EFCC1: variants seen among roughly 807,000 people sequenced by gnomAD.
The protein encoded by EFCC1 is EF-hand and coiled-coil domain-containing protein 1.
A neutral mutation model predicts 52.1 loss-of-function variants in EFCC1; 50 were observed. The observed-to-expected ratio is 0.96, with a 90% confidence interval of 0.76 to 1.21. The LOEUF is 1.21. Among genes scored for constraint, EFCC1 ranks in the 50% most tolerant of loss-of-function variants. EFCC1 has a pLI of 0.00. For synonymous variants in EFCC1, 399 were observed against 396.5 expected (o/e 1.01, Z -0.08); for missense variants, 837 against 867.3 (o/e 0.97, Z 0.44).
In EFCC1 at chr3:129,032,846, T is replaced by C. The variant is rs1176262539; in HGVS notation, c.1166T>C (p.Val389Ala). 11 of 1,551,398 alleles carry C rather than the reference T, an allele frequency of 7.1e-6. No homozygotes were observed. The highest frequency in any genetic ancestry group is 2.6e-6 in the Non-Finnish European group (3 of 1,146,928). Residue 389 changes from valine to alanine, a missense_variant, in exon 4 of 8, where the codon GTG becomes GCG. Physicochemically the swap from Val to Ala is moderately conservative, Grantham distance 64 (BLOSUM62 0). Transcript: ENST00000683648. ...GTGGACGAGCAGCTGTTCCGCTCCG[T>C]GGAGGGCCAGGCCGCCTCTGACGAG... Reference protein sequence around the residue: ...EAVDEQLFRSVEGQAASDEEE... With the variant: ...EAVDEQLFRSAEGQAASDEEE...
In EFCC1 at chr3:129,003,956, G is replaced by C. The variant is rs1294764016; in HGVS notation, c.859G>C (p.Glu287Gln). Residue 287 changes from glutamate to glutamine, a missense_variant, in exon 2 of 8, where the codon GAG (glutamate) becomes CAG (glutamine). By Grantham distance (29) the Glu-to-Gln change is conservative. Transcript: ENST00000683648. The stretch of plus-strand genomic sequence containing the variant: ...GGCCGAGGTGCGGCGGCGCGCGGAG[G>C]AGGCCCGGCAGGTGGTGCTGCGCAG... ...GQAEVRRRAE[E>Q]ARQVVLRSLH... 1 of 1,433,020 alleles carries C rather than the reference G, an allele frequency of 7.0e-7. No individual in the cohort carries two copies. The highest frequency in any genetic ancestry group is 9.1e-7 in the Non-Finnish European group (1 of 1,098,318). The allele number at this position is 1,433,020 out of a possible 1,614,324, so 88.8% of individuals were successfully genotyped here.
chr3:129,023,627 T>C (rs981118335), intron 2 of EFCC1, among the ~76,000 whole-genome samples: 3 of 152,220 alleles, frequency 2.0e-5, no homozygotes, highest in African/African-American at 7.2e-5. Context: ...CCACCGCGCC[T>C]GGCCACCTCT....
chr3:129,039,052 A>G (rs1484388920), intron 7 of EFCC1, 152 bp downstream of exon 7: 3 of 727,224 alleles, frequency 4.1e-6, no homozygotes, highest in Non-Finnish European at 6.8e-6. Flanking sequence ...AGGGGCTTTT[A>G]GCAAGAGCAG....
intron 2 of EFCC1, among the ~76,000 whole-genome samples, chr3:129,023,310 C>CTTTTT (rs3036084): frequency 7.2e-6 from 1 of 138,164 alleles, no homozygotes. Flanking sequence ...CCTCTTGCTT[C>CTTTTT]TTTTTTTTTT....
rs185970357 is a variant in EFCC1 at position 129,039,542 on chromosome 3, C to T, written c.1664-170C>T. Among the ~76,000 whole-genome samples, 4 of 152,292 alleles carry T rather than the reference C, an allele frequency of 2.6e-5. No homozygotes were observed. The East Asian group carries it at 5.8e-4, about 22-fold the overall frequency. On this transcript the variant is annotated intron_variant, in intron 7 of 7. Coordinates refer to ENST00000683648, the MANE Select transcript of EFCC1 (RefSeq NM_001377500.1). ...ATCAGAAATTGTGTGCTCCAAGTCC[C>T]CTCTCCAGGGTCCTCAGGGGGAGGT... is the stretch of plus-strand genomic sequence containing the variant.
At chr3:129,037,899 A>C (rs1292588003) in intron 6 of EFCC1, among the ~76,000 whole-genome samples, 3 of 138,160 alleles carry the variant, frequency 2.2e-5, no homozygotes, top group Admixed American at 7.3e-5. Context: ...CCACCTCTAC[A>C]AAAAAAAAAA....
In EFCC1 at chr3:129,037,127, C is replaced by T. The variant is rs372702808; in HGVS notation, c.1593+10C>T. 5.7e-4 allele frequency: 911 copies of T among 1,596,004 alleles called. 1 individual carries two copies. Among genetic ancestry groups the T allele is most frequent in the Admixed American group, 1.6e-3 (90 of 56,532 alleles). On this transcript the variant is annotated intron_variant, in intron 6 of 7. Coordinates refer to ENST00000683648, the MANE Select transcript of EFCC1 (RefSeq NM_001377500.1). ...GAGGCTCCGGGACCTGGTAGGCTCA[C>T]GGGAGAGCTGCCACACTCAGGGAAG...
intron 2 of EFCC1, among the ~76,000 whole-genome samples, chr3:129,024,052 CATTT>C (rs927829872): frequency 2.0e-5 from 3 of 152,246 alleles, no homozygotes; most frequent in Non-Finnish European, 2.9e-5. Context: ...CCCATTCATT[CATTT>C]GACAAACCTT....
In EFCC1 at chr3:129,001,799, G is replaced by A. The variant is rs1944772499; in HGVS notation, c.171G>A (p.Gln57=). 1 of 1,545,056 alleles carries A rather than the reference G, an allele frequency of 6.5e-7. No individual in the cohort carries two copies. The highest frequency in any genetic ancestry group is 8.7e-7 in the Non-Finnish European group (1 of 1,145,820). Reference sequence around the variant, plus strand: ...TGGTGCTGGCCACCGGCCTGGACCAGTACCTGCAGGAGGTCTTCCACCACC... The same window carrying A: ...TGGTGCTGGCCACCGGCCTGGACCAATACCTGCAGGAGGTCTTCCACCACC... ...EIVVLATGLD[Q]YLQEVFHHLD... The change falls in exon 1 of 8, where the codon CAG becomes CAA. Residue 57 remains glutamine (Q), a synonymous_variant. Transcript: ENST00000683648.
Position 129,039,706 on chromosome 3 carries a change from C to T in EFCC1, c.1664-6C>T. 1 of 1,592,300 alleles carries T rather than the reference C, an allele frequency of 6.3e-7. No homozygotes were observed. Among genetic ancestry groups the T allele is most frequent in the Non-Finnish European group, 8.6e-7 (1 of 1,166,126 alleles). The stretch of plus-strand genomic sequence containing the variant: ...CCTGCCCTCCCTGCCTGCTGTTTCC[C>T]TCCAGAGGGAAGGCCCAGCCCTGCA... On this transcript the variant is annotated splice_region_variant and splice_polypyrimidine_tract_variant and intron_variant, in intron 7 of 7. Coordinates refer to ENST00000683648, the MANE Select transcript of EFCC1 (RefSeq NM_001377500.1).
intron 5 of EFCC1, among the ~76,000 whole-genome samples, chr3:129,035,495 T>G (rs1444975779): frequency 1.3e-5 from 2 of 152,216 alleles, no homozygotes; most frequent in Admixed American, 6.5e-5. Context: ...TCTTAGTGCA[T>G]GAAATCAGAG....
intron 2 of EFCC1, among the ~76,000 whole-genome samples, chr3:129,019,623 C>T (rs896960690): frequency 2.0e-5 from 3 of 152,146 alleles, no homozygotes; most frequent in African/African-American, 7.2e-5. Flanking sequence ...TCAGCACTGT[C>T]CAACTGGACT....
intron 2 of EFCC1, among the ~76,000 whole-genome samples, chr3:129,018,274 G>A (rs79417197): frequency 0.071 from 10,795 of 152,216 alleles, 1,251 homozygotes; most frequent in African/African-American, 0.24. Flanking sequence ...AGTTAAATCC[G>A]GGGTTAGCAA....
chr3:129,024,861 G>A (rs1946034569), intron 2 of EFCC1, among the ~76,000 whole-genome samples: 1 of 152,190 alleles, frequency 6.6e-6, no homozygotes, highest in African/African-American at 2.4e-5. Flanking sequence ...CCATAGCAGA[G>A]GGAGAGGTGA....
intron 2 of EFCC1, among the ~76,000 whole-genome samples, chr3:129,025,653 T>G (rs774064718): frequency 2.3e-4 from 35 of 152,026 alleles, no homozygotes; most frequent in Non-Finnish European, 4.4e-4. Context: ...AGCATGTGAG[T>G]GTGATGAGGG....
At chr3:129,034,502 A>T (rs145493572) in intron 5 of EFCC1, among the ~76,000 whole-genome samples, 173 bp downstream of exon 5, 27 of 152,298 alleles carry the variant, frequency 1.8e-4, no homozygotes, top group African/African-American at 5.8e-4. Context: ...TTGGTTGCAA[A>T]TTAAAGGATC....
intron 1 of EFCC1, 127 bp from the exon 2 acceptor site, chr3:129,003,667 G>C: frequency 1.0e-6 from 1 of 974,700 alleles, no homozygotes; most frequent in Non-Finnish European, 1.3e-6. Flanking sequence ...CCCGGAAGCA[G>C]ACGGCGCAAG....
At chr3:129,036,915 C>T in intron 5 of EFCC1, 62 bp from the exon 6 acceptor site, 1 of 1,610,168 alleles carries the variant, frequency 6.2e-7, no homozygotes, top group Non-Finnish European at 8.5e-7. Flanking sequence ...AGTAGTTGAT[C>T]CTGCCACCTG....
chr3:129,024,130 AC>A (rs1006702041), intron 2 of EFCC1, among the ~76,000 whole-genome samples: 2 of 152,222 alleles, frequency 1.3e-5, no homozygotes, highest in Middle Eastern at 3.2e-3. Flanking sequence ...TGAGAGAGAA[AC>A]ACCATAACAC....
Sources: allele counts gnomAD v4.1 joint callset (sites outside exome capture counted in the v4.1 genomes callset), GRCh38; gene constraint gnomAD v4.1.1; transcripts MANE v1.5; gene names NCBI Gene and HGNC (gene_info 2026-07-23, HGNC 2026-07-21).